The following LINGO2 variants were observed in gnomAD, a reference collection of about 807,000 sequenced individuals.
The protein encoded by LINGO2 is leucine-rich repeat and immunoglobulin-like domain-containing nogo receptor-interacting protein 2.
Under a neutral mutation model 30.6 loss-of-function variants are expected in LINGO2, and 14 were observed. The ratio of observed to expected loss-of-function variants is 0.46; its 90% CI spans 0.30 to 0.72. The LOEUF (loss-of-function observed/expected upper bound fraction) is 0.72, where lower values mean the gene tolerates loss of function less well. Ranked by LOEUF, LINGO2 falls within the 30% of genes least tolerant of loss-of-function variation. LINGO2 has a pLI of 0.07. For missense variants in LINGO2, 729 were observed against 751.7 expected (o/e 0.97, Z 0.35); for synonymous variants, 317 against 288.5 (o/e 1.10, Z -1.00).
chr9:28,979,032 T>C, the LINGO2 span, among the ~76,000 whole-genome samples: 5 of 152,090 alleles, frequency 3.3e-5, no homozygotes, highest in Admixed American at 3.3e-4. Context: ...TTCAATACTA[T>C]CAGAACTGTC....
chr9:27,943,194 ATAAAGT>A (rs1048406583), downstream of LINGO2: 1 of 152,222 alleles, frequency 6.6e-6, no homozygotes, highest in African/African-American at 2.4e-5. Flanking sequence ...GTGCAACAAC[ATAAAGT>A]TAACATGGCA....
chr9:29,188,172 G>T, the LINGO2 span, among the ~76,000 whole-genome samples: 1 of 151,568 alleles, frequency 6.6e-6, no homozygotes, highest in African/African-American at 2.4e-5. Context: ...GCGGCCTTCC[G>T]CAGTGTTTGT....
At chr9:28,946,958 T>C in the LINGO2 span, among the ~76,000 whole-genome samples, 2 of 152,136 alleles carry the variant, frequency 1.3e-5, no homozygotes, top group Non-Finnish European at 2.9e-5. Context: ...AAGCAACTAA[T>C]TCCAATGGTA....
the LINGO2 span, among the ~76,000 whole-genome samples, chr9:29,114,683 T>C: frequency 1.3e-5 from 2 of 151,608 alleles, no homozygotes; most frequent in Non-Finnish European, 1.5e-5. Flanking sequence ...GATAGTTTAC[T>C]GAGAATGATG....
intron 4 of LINGO2, among the ~76,000 whole-genome samples, chr9:28,101,610 G>C (rs1826417903): frequency 6.6e-6 from 1 of 152,098 alleles, no homozygotes; most frequent in Non-Finnish European, 1.5e-5. Flanking sequence ...CATGTTTTAA[G>C]CTTTTCAATT....
At chr9:28,447,847 GA>G (rs1452038590) in intron 2 of LINGO2, among the ~76,000 whole-genome samples, 3 of 152,094 alleles carry the variant, frequency 2.0e-5, no homozygotes, top group Admixed American at 1.3e-4. Flanking sequence ...GATATATTGG[GA>G]AAAATTTTTA....
chr9:29,168,608 C>T, the LINGO2 span, among the ~76,000 whole-genome samples: 1 of 152,218 alleles, frequency 6.6e-6, no homozygotes, highest in Non-Finnish European at 1.5e-5. Context: ...TGCATTTTCT[C>T]TCTTTTTATT....
intron 1 of LINGO2, among the ~76,000 whole-genome samples, chr9:28,641,932 T>A (rs1827608823): frequency 6.6e-6 from 1 of 152,136 alleles, no homozygotes; most frequent in Non-Finnish European, 1.5e-5. Flanking sequence ...AATGTTCTTC[T>A]TGTCTCCATT....
At chr9:29,175,529 T>C in the LINGO2 span, among the ~76,000 whole-genome samples, 4 of 148,450 alleles carry the variant, frequency 2.7e-5, no homozygotes, top group Admixed American at 2.0e-4. Flanking sequence ...GAGATTTTTT[T>C]TTTTTTTTTT....
intron 4 of LINGO2, among the ~76,000 whole-genome samples, chr9:28,249,106 T>C (rs577337241): frequency 1.3e-5 from 2 of 148,408 alleles, no homozygotes; most frequent in Non-Finnish European, 2.9e-5. Flanking sequence ...ATGTGGTTTC[T>C]TTTTTTTAGA....
At chr9:29,145,895 TTA>T in the LINGO2 span, among the ~76,000 whole-genome samples, 2 of 152,160 alleles carry the variant, frequency 1.3e-5, no homozygotes, top group Non-Finnish European at 2.9e-5. Flanking sequence ...AGATATGTAT[TTA>T]TGTTATATGT....
the LINGO2 span, among the ~76,000 whole-genome samples, chr9:28,878,359 C>G: frequency 6.6e-6 from 1 of 152,014 alleles, no homozygotes; most frequent in African/African-American, 2.4e-5. Flanking sequence ...GCTTACCAAC[C>G]AAAAAGAGTC....
intron 4 of LINGO2, among the ~76,000 whole-genome samples, chr9:28,054,839 C>T (rs942775850): frequency 1.3e-5 from 2 of 151,934 alleles, no homozygotes; most frequent in African/African-American, 4.8e-5. Context: ...AAATCTAAGC[C>T]TTAGGTTGTT....
chr9:28,997,624 C>A, the LINGO2 span, among the ~76,000 whole-genome samples: 1 of 152,086 alleles, frequency 6.6e-6, no homozygotes, highest in Non-Finnish European at 1.5e-5. Flanking sequence ...GAGATCGAGA[C>A]CATCCTGGCT....
At chr9:29,204,946 T>C in the LINGO2 span, among the ~76,000 whole-genome samples, 1 of 152,250 alleles carries the variant, frequency 6.6e-6, no homozygotes, top group African/African-American at 2.4e-5. Flanking sequence ...CTGCAGATGT[T>C]CCTTATCAAG....
the LINGO2 span, among the ~76,000 whole-genome samples, chr9:28,995,309 A>T: frequency 2.6e-5 from 4 of 152,202 alleles, no homozygotes; most frequent in African/African-American, 7.2e-5. Flanking sequence ...GCAAATCAAA[A>T]CCACAATGAG....
At chr9:28,238,213 A>T (rs1821650469) in intron 4 of LINGO2, among the ~76,000 whole-genome samples, 1 of 152,120 alleles carries the variant, frequency 6.6e-6, no homozygotes, top group Non-Finnish European at 1.5e-5. Flanking sequence ...CCCACTTTAA[A>T]CATTGGAAAT....
At chr9:29,146,444 T>C in the LINGO2 span, among the ~76,000 whole-genome samples, 1 of 152,122 alleles carries the variant, frequency 6.6e-6, no homozygotes, top group African/African-American at 2.4e-5. Flanking sequence ...AAGTTATTGC[T>C]GCTTTTGCCC....
chr9:29,165,276 T>C, the LINGO2 span, among the ~76,000 whole-genome samples: 1 of 152,132 alleles, frequency 6.6e-6, no homozygotes, highest in African/African-American at 2.4e-5. Flanking sequence ...TACACATTTA[T>C]TGAGTAACTA....
Sources: allele counts gnomAD v4.1 joint callset (sites outside exome capture counted in the v4.1 genomes callset), GRCh38; gene constraint gnomAD v4.1.1; transcripts MANE v1.5; gene names NCBI Gene and HGNC (gene_info 2026-07-23, HGNC 2026-07-21).